Variants in SECTM1 observed in about 807,000 individuals in gnomAD.
The protein encoded by SECTM1 is secreted and transmembrane protein 1.
A neutral mutation model predicts 18.1 loss-of-function variants in SECTM1; 10 were observed. The observed-to-expected ratio is 0.55, with a 90% CI of 0.34 to 0.94. The LOEUF (loss-of-function observed/expected upper bound fraction) is 0.94. Among genes scored for constraint, SECTM1 ranks in the 40% least tolerant of loss-of-function variants. The pLI is 0.02. For missense variants in SECTM1, 297 were observed against 322.6 expected (o/e 0.92, Z 0.61); for synonymous variants, 137 against 139.2 (o/e 0.98, Z 0.11).
chr17:82,331,295 C>T (rs1005309362), intron 1 of SECTM1, among the ~76,000 whole-genome samples: 4 of 152,138 alleles, frequency 2.6e-5, no homozygotes, highest in Non-Finnish European at 4.4e-5. Flanking sequence ...GGGAGGAGAG[C>T]GGCAGGTCTG....
At chr17:82,331,624 C>T (rs578143886) in intron 1 of SECTM1, among the ~76,000 whole-genome samples, 7 of 152,368 alleles carry the variant, frequency 4.6e-5, no homozygotes, top group East Asian at 1.9e-4. Context: ...CCACTCTGCC[C>T]GTCTGCCTGA....
rs564324642 is a variant in SECTM1 at position 82,324,390 on chromosome 17, T to C, written c.403+192A>G. Among the ~76,000 whole-genome samples, 173 of 151,976 alleles carry C rather than the reference T, an allele frequency of 1.1e-3. 1 individual carries two copies. Among genetic ancestry groups the C allele is most frequent in the African/African-American group, 4.0e-3 (165 of 41,420 alleles). On this transcript the variant is annotated intron_variant, in intron 3 of 4. Transcript: ENST00000269389. ...CCCCTGCCCCTCCCAAAGGAAGAAC[T>C]GTCCCAGGAGGTCAAGAGGCCTCCA...
In SECTM1 at chr17:82,326,957, C is replaced by T. The variant is rs958962472; in HGVS notation, c.94+190G>A. 1.3e-4 allele frequency among the ~76,000 whole-genome samples: 20 copies of T among 151,900 alleles called. No homozygotes were observed. Among genetic ancestry groups the T allele is most frequent in the Non-Finnish European group, 2.4e-4 (16 of 67,912 alleles). The stretch of plus-strand genomic sequence containing the variant: ...ACTCACCACCACCCTCCACCCACGG[C>T]GGGACACGGTCCACTCACCGCCACC... On this transcript the variant is annotated intron_variant, in intron 2 of 4. Coordinates refer to ENST00000269389, the MANE Select transcript of SECTM1 (RefSeq NM_003004.3). The surrounding 1 kb of genome is among the most constrained non-coding windows in gnomAD (Gnocchi z 4.3).
chr17:82,331,923 T>C (rs890987890), intron 1 of SECTM1, among the ~76,000 whole-genome samples: 1 of 152,030 alleles, frequency 6.6e-6, no homozygotes. Context: ...GTGGATCACC[T>C]GAGGTCGGGA....
At chr17:82,332,067 G>A (rs1313987762) in intron 1 of SECTM1, among the ~76,000 whole-genome samples, 3 of 152,216 alleles carry the variant, frequency 2.0e-5, no homozygotes, top group African/African-American at 7.2e-5. Flanking sequence ...GCTTGAACCA[G>A]GGAGGTGGAG....
At chr17:82,322,849 C>A in intron 4 of SECTM1, 29 bp downstream of exon 4, 1 of 1,611,644 alleles carries the variant, frequency 6.2e-7, no homozygotes. Context: ...CTCCCCACCC[C>A]GCACAAACTG....
At chr17:82,322,428 T>TGG in intron 4 of SECTM1, 58 bp from the exon 5 acceptor site, 3 of 1,512,542 alleles carry the variant, frequency 2.0e-6, no homozygotes, top group Non-Finnish European at 2.8e-6. Flanking sequence ...CCCACAGCTC[T>TGG]GCCCTGGGGC....
In SECTM1 at chr17:82,321,421, C is replaced by G. The variant is rs1034482022; in HGVS notation, c.*740G>C. 6.6e-6 allele frequency: 1 copy of G among 152,270 alleles called. No homozygotes were observed. The highest frequency in any genetic ancestry group is 1.9e-4 in the East Asian group (1 of 5,194). 9.4% of individuals were successfully genotyped at this position (152,270 alleles called of 1,614,324 possible). ...CATACAGATGAAGACATCAAAGGGCCCCGCCGCAGTGACGAAGACAAAAGC... is the reference window on the plus strand; with the variant it reads ...CATACAGATGAAGACATCAAAGGGCGCCGCCGCAGTGACGAAGACAAAAGC... On this transcript the variant is annotated 3_prime_UTR_variant, in exon 5 of 5. Transcript: ENST00000269389.
chr17:82,327,904 G>A (rs1248561036), intron 1 of SECTM1, among the ~76,000 whole-genome samples: 1 of 149,522 alleles, frequency 6.7e-6, no homozygotes, highest in African/African-American at 2.5e-5. Flanking sequence ...GCCCAGCGCT[G>A]ACCACAACCT....
rs1358632349 is a variant in SECTM1, at chr17:82,329,301, T to C, written c.-52-2009A>G. The C allele has an allele frequency of 6.6e-6, 1 of 151,668 alleles. No homozygotes were observed. Among genetic ancestry groups the C allele is most frequent in the African/African-American group, 2.4e-5 (1 of 41,108 alleles). 9.4% of individuals were successfully genotyped at this position (151,668 alleles called of 1,614,324 possible). ...GTGGAAGACCCTGCCAGCCGCAGAG[T>C]GCAGGTGTGGGGACACTGTCACTGC... On this transcript the variant is annotated intron_variant, in intron 1 of 4. Transcript: ENST00000269389. This position sits in a 1 kb window ranked among gnomAD's most constrained non-coding sequence, Gnocchi z 7.6.
rs17855476 is a variant in SECTM1 at position 82,322,337 on chromosome 17, C to A, written c.571G>T (p.Val191Phe). The A allele has an allele frequency of 7.5e-3, 12,110 of 1,613,714 alleles. 76 individuals are homozygous for A. Among genetic ancestry groups the A allele is most frequent in the South Asian group, 0.016 (1,485 of 91,080 alleles). The change falls in exon 5 of 5, where the codon GTC becomes TTC. Residue 191 changes from valine (V) to phenylalanine (F), a missense_variant. Val to Phe is a conservative substitution (Grantham distance 50). Coordinates refer to ENST00000269389, the MANE Select transcript of SECTM1 (RefSeq NM_003004.3). ...TGGGCTCCCGCTCTGAGGGCTGCGA[C>A]CTTCATCTGGGGTTCTAGGAGGAAG... is the stretch of plus-strand genomic sequence containing the variant. ...KFFLLEPQMK[V>F]AALRAGAQQG...
In SECTM1 at chr17:82,327,128, G is replaced by A; in HGVS notation, c.94+19C>T. 1.3e-6 allele frequency: 2 copies of A among 1,572,896 alleles called. No homozygotes were observed. The highest frequency in any genetic ancestry group is 1.7e-6 in the Non-Finnish European group (2 of 1,155,058). On this transcript the variant is annotated intron_variant, in intron 2 of 4. Transcript: ENST00000269389. ...GGGCCCCCCTTTCCCCAGCAGAGAG[G>A]CGGGGCCCCGAGACCTACCTTCATT... is the stretch of plus-strand genomic sequence containing the variant.
Position 82,324,976 on chromosome 17 carries a change from C to T in SECTM1, c.95-86G>A. The T allele has an allele frequency of 4.5e-6, 6 of 1,319,562 alleles. No individual in the cohort carries two copies. In the South Asian group the frequency reaches 8.2e-5, roughly 18 times the overall value. The allele number at this position is 1,319,562 out of a possible 1,614,324, so 81.7% of individuals were successfully genotyped here. The stretch of plus-strand genomic sequence containing the variant: ...GCTGTGCCCAGGGCCAGGGCCAGGG[C>T]AGGAGACAGGGCCTCTAAGGGACAC... On this transcript the variant is annotated intron_variant, in intron 2 of 4. Coordinates refer to ENST00000269389, the MANE Select transcript of SECTM1 (RefSeq NM_003004.3).
chr17:82,330,035 G>A lies in SECTM1; in HGVS notation c.-52-2743C>T, dbSNP rs1400846348. Among the ~76,000 whole-genome samples, 3 of 152,170 alleles carry A rather than the reference G, an allele frequency of 2.0e-5. No individual in the cohort carries two copies. Among genetic ancestry groups the A allele is most frequent in the South Asian group, 2.1e-4 (1 of 4,826 alleles). On this transcript the variant is annotated intron_variant, in intron 1 of 4. Transcript: ENST00000269389. The surrounding 1 kb of genome is among the most constrained non-coding windows in gnomAD (Gnocchi z 6.1). ...ACCACAGAACCCCCACCCCCAGTGC[G>A]GTGGGAGACCCAGGCCACCTGCAGA...
intron 1 of SECTM1, among the ~76,000 whole-genome samples, chr17:82,331,626 T>A (rs2052192020): frequency 1.3e-5 from 2 of 152,248 alleles, no homozygotes; most frequent in Admixed American, 1.3e-4. Context: ...ACTCTGCCCG[T>A]CTGCCTGAGT....
At chr17:82,332,003 G>A (rs150401551) in intron 1 of SECTM1, among the ~76,000 whole-genome samples, 4,497 of 152,138 alleles carry the variant, frequency 0.03, 98 homozygotes, top group Non-Finnish European at 0.043. Context: ...TTAGCCGGGC[G>A]TGGTGGTGCA....
rs550880943 is a variant in SECTM1, at chr17:82,331,324, A to G, written c.-53+2376T>C. Among the ~76,000 whole-genome samples the G allele has an allele frequency of 2.6e-3, 398 of 152,282 alleles. 5 individuals carry two copies. Among genetic ancestry groups the G allele is most frequent in the African/African-American group, 9.2e-3 (381 of 41,576 alleles). On this transcript the variant is annotated intron_variant, in intron 1 of 4. Coordinates refer to ENST00000269389, the MANE Select transcript of SECTM1 (RefSeq NM_003004.3). ...AGGTCTGGCTCTACCCCGAGGCTTC[A>G]GGCTGCGGACCATGCGTGGCCCCAG...
intron 1 of SECTM1, among the ~76,000 whole-genome samples, chr17:82,331,195 G>A (rs936186305): frequency 2.6e-5 from 4 of 152,258 alleles, no homozygotes; most frequent in Admixed American, 6.5e-5. Flanking sequence ...TGAGTCAGCC[G>A]TGGAGGGGAG....
In SECTM1 at chr17:82,325,102, A is replaced by ATG. The variant is rs5822518; in HGVS notation, c.95-214_95-213dup. The stretch of plus-strand genomic sequence containing the variant: ...AAGACGGGTGGCTCTGTGTGTGTGT[A>ATG]TGTGTGTGTGTGTGCGTGCTCACAC... On this transcript the variant is annotated intron_variant, in intron 2 of 4. Coordinates refer to ENST00000269389, the MANE Select transcript of SECTM1 (RefSeq NM_003004.3). This position sits in a 1 kb window ranked among gnomAD's most constrained non-coding sequence, Gnocchi z 7.6. Among the ~76,000 whole-genome samples the ATG allele has an allele frequency of 6.6e-5, 10 of 151,606 alleles. No individual in the cohort carries two copies. Among genetic ancestry groups the ATG allele is most frequent in the East Asian group, 3.9e-4 (2 of 5,172 alleles).
Sources: gnomAD v4.1 joint callset for allele counts (sites outside exome capture counted in the v4.1 genomes callset) on GRCh38, gnomAD v4.1.1 for gene constraint, Gnocchi (gnomAD v3.1) non-coding constraint, MANE v1.5 for transcripts, NCBI Gene and HGNC (gene_info 2026-07-23, HGNC 2026-07-21) for gene names.